LRRC4C: variants seen among roughly 807,000 people sequenced by gnomAD.
LRRC4C encodes leucine rich repeat containing 4C, also known as leucine-rich repeat-containing protein 4C.
LRRC4C carries 5 observed loss-of-function variants against 33.6 expected under a neutral mutation model. The ratio of observed to expected loss-of-function variants is 0.15; its 90% CI spans 0.08 to 0.31. The LOEUF (loss-of-function observed/expected upper bound fraction) is 0.31, where lower values mean the gene tolerates loss of function less well. Ranked by LOEUF, LRRC4C falls within the 10% of genes least tolerant of loss-of-function variation. The pLI is 1.00. For missense variants in LRRC4C, 560 were observed against 796.7 expected, an observed-to-expected ratio of 0.70 and a Z score of 3.58; for synonymous variants, 329 against 302.0, an observed-to-expected ratio of 1.09 and a Z score of -0.93.
chr11:40,173,692 G>A (rs920251334), intron 5 of LRRC4C, among the ~76,000 whole-genome samples: 1 of 152,108 alleles, frequency 6.6e-6, no homozygotes, highest in African/African-American at 2.4e-5. Context: ...CCTGTAAAAC[G>A]TCAGTGCCAT....
chr11:40,436,172 T>C (rs1441448840), intron 3 of LRRC4C, among the ~76,000 whole-genome samples: 1 of 152,226 alleles, frequency 6.6e-6, no homozygotes, highest in Non-Finnish European at 1.5e-5. Flanking sequence ...ATGGTTGCTA[T>C]AGTCTAGCTT....
At chr11:40,299,859 G>A (rs1944685458) in intron 4 of LRRC4C, among the ~76,000 whole-genome samples, 1 of 152,218 alleles carries the variant, frequency 6.6e-6, no homozygotes, top group East Asian at 1.9e-4. Flanking sequence ...ATGGAAGACA[G>A]AGGAGACAGT....
chr11:41,169,778 G>GA (rs1944889402), intron 1 of LRRC4C, among the ~76,000 whole-genome samples: 1 of 152,112 alleles, frequency 6.6e-6, no homozygotes. Flanking sequence ...TTTGTTCTGT[G>GA]ATAAAAGCAA....
At chr11:40,657,584 C>T (rs1943196137) in intron 2 of LRRC4C, among the ~76,000 whole-genome samples, 1 of 152,224 alleles carries the variant, frequency 6.6e-6, no homozygotes. Flanking sequence ...CAGCCTTTGT[C>T]TCTCACCTAT....
Position 40,116,054 on chromosome 11 carries a change from A to G in LRRC4C, c.239T>C (p.Leu80Pro), listed in dbSNP as rs1164339334. ...VPDGISTNTR[L>P]LNLHENQIQI... ...GATTTGGTTCTCATGGAGGTTCAGCAGCCGTGTGTTGGTGGAGATGCCATC... is the reference window on the plus strand; with the variant it reads ...GATTTGGTTCTCATGGAGGTTCAGCGGCCGTGTGTTGGTGGAGATGCCATC... The change falls in exon 7 of 7, where the codon CTG becomes CCG. Residue 80 changes from leucine to proline, a missense_variant. Transcript: ENST00000528697. 1 of 1,614,008 alleles carries G rather than the reference A, an allele frequency of 6.2e-7. No individual in the cohort carries two copies. The highest frequency in any genetic ancestry group is 1.3e-5 in the African/African-American group (1 of 74,918).
chr11:41,097,753 T>A (rs1940904756), intron 1 of LRRC4C, among the ~76,000 whole-genome samples: 1 of 152,136 alleles, frequency 6.6e-6, no homozygotes, highest in Non-Finnish European at 1.5e-5. Flanking sequence ...TAACAAAGTA[T>A]CTTATTTTAA....
chr11:40,591,677 T>C (rs559962290), intron 3 of LRRC4C, among the ~76,000 whole-genome samples: 1 of 152,336 alleles, frequency 6.6e-6, no homozygotes, highest in South Asian at 2.1e-4. Context: ...TAAATTAAAA[T>C]GAAGACCAGG....
chr11:40,510,079 G>A (rs951067939), intron 3 of LRRC4C, among the ~76,000 whole-genome samples: 3 of 151,984 alleles, frequency 2.0e-5, no homozygotes, highest in Middle Eastern at 3.4e-3. Context: ...AATCACCTCA[G>A]GGGTTCTTGT....
chr11:40,703,153 C>T (rs989615703), intron 2 of LRRC4C, among the ~76,000 whole-genome samples: 20 of 151,944 alleles, frequency 1.3e-4, no homozygotes, highest in Admixed American at 5.3e-4. Flanking sequence ...AAGGGGAAGG[C>T]GCTATTAGTA....
intron 1 of LRRC4C, among the ~76,000 whole-genome samples, chr11:41,265,633 C>T (rs1949124153): frequency 6.6e-6 from 1 of 151,992 alleles, no homozygotes; most frequent in African/African-American, 2.4e-5. Flanking sequence ...AACCTAGTTG[C>T]CAGAGAAGAA....
intron 3 of LRRC4C, among the ~76,000 whole-genome samples, chr11:40,597,177 T>C (rs1420090367): frequency 2.0e-5 from 3 of 152,262 alleles, no homozygotes; most frequent in Middle Eastern, 3.4e-3. Flanking sequence ...AAAGGGTAAA[T>C]AGCATTTGGT....
chr11:40,857,066 C>T (rs1953821085), intron 2 of LRRC4C, among the ~76,000 whole-genome samples: 1 of 152,182 alleles, frequency 6.6e-6, no homozygotes, highest in Non-Finnish European at 1.5e-5. Context: ...AGCAAATGGG[C>T]TAGAACTCAG....
At chr11:41,072,507 C>A (rs2135431088) in intron 1 of LRRC4C, among the ~76,000 whole-genome samples, 1 of 151,982 alleles carries the variant, frequency 6.6e-6, no homozygotes, top group East Asian at 1.9e-4. Context: ...ATAGCACTTC[C>A]CTTACCTCCT....
chr11:40,172,861 A>G (rs1860161724), intron 5 of LRRC4C, among the ~76,000 whole-genome samples: 2 of 152,140 alleles, frequency 1.3e-5, no homozygotes, highest in African/African-American at 4.8e-5. Flanking sequence ...CTGTAATAGA[A>G]TTTTTATAGA....
At chr11:41,362,618 C>T (rs1433285588) in intron 1 of LRRC4C, among the ~76,000 whole-genome samples, 3 of 152,022 alleles carry the variant, frequency 2.0e-5, no homozygotes, top group Admixed American at 2.0e-4. Flanking sequence ...TAACAAATTA[C>T]CAAAAATGTG....
chr11:40,433,968 G>C (rs1399427734), intron 3 of LRRC4C, among the ~76,000 whole-genome samples: 1 of 152,102 alleles, frequency 6.6e-6, no homozygotes, highest in African/African-American at 2.4e-5. Context: ...CAATCCTAAA[G>C]GTTAAATAAC....
At chr11:40,825,737 C>T (rs753524665) in intron 2 of LRRC4C, among the ~76,000 whole-genome samples, 5 of 151,412 alleles carry the variant, frequency 3.3e-5, no homozygotes, top group African/African-American at 7.3e-5. Context: ...ACAGAAGACA[C>T]GACATGTCCC....
At chr11:41,199,200 A>G (rs1946305585) in intron 1 of LRRC4C, among the ~76,000 whole-genome samples, 1 of 152,140 alleles carries the variant, frequency 6.6e-6, no homozygotes, top group Admixed American at 6.6e-5. Flanking sequence ...TCAAGGGGTG[A>G]GTATTCCTGA....
chr11:40,686,025 C>G (rs1250058267), intron 2 of LRRC4C, among the ~76,000 whole-genome samples: 1 of 151,522 alleles, frequency 6.6e-6, no homozygotes, highest in Non-Finnish European at 1.5e-5. Context: ...CCAAGATAAA[C>G]TACTTCTATG....
Sources: allele counts gnomAD v4.1 joint callset (sites outside exome capture counted in the v4.1 genomes callset), GRCh38; gene constraint gnomAD v4.1.1; transcripts MANE v1.5; gene names NCBI Gene and HGNC (gene_info 2026-07-23, HGNC 2026-07-21).